Variants in ERCC6 observed in about 807,000 individuals in gnomAD.
ERCC6 encodes the protein ERCC excision repair 6, chromatin remodeling factor, also known as DNA excision repair protein ERCC-6.
A neutral mutation model predicts 158.7 loss-of-function variants in ERCC6; 116 were observed. The ratio of observed to expected loss-of-function variants is 0.73; its 90% CI spans 0.63 to 0.85. The LOEUF (loss-of-function observed/expected upper bound fraction) is 0.85. ERCC6 is among the 40% of genes least tolerant of loss of function. The pLI is 0.00. For missense variants in ERCC6, 1,698 were observed against 1,799.4 expected, an observed-to-expected ratio of 0.94 and a Z score of 1.02; for synonymous variants, 678 against 659.3, an observed-to-expected ratio of 1.03 and a Z score of -0.43.
intron 5 of ERCC6, among the ~76,000 whole-genome samples, chr10:49,513,398 G>A (rs1474726468): frequency 2.0e-5 from 3 of 152,110 alleles, no homozygotes; most frequent in Non-Finnish European, 4.4e-5. Flanking sequence ...AGTGATACTG[G>A]GTACTGGGCA....
downstream of ERCC6, among the ~76,000 whole-genome samples, chr10:49,449,840 G>A (rs541049861): frequency 1.1e-4 from 17 of 151,286 alleles, no homozygotes; most frequent in East Asian, 3.9e-4. Context: ...GTGAGCCACC[G>A]CGCCTGGCCT....
intron 4 of ERCC6, among the ~76,000 whole-genome samples, chr10:49,525,887 G>A (rs909763415): frequency 6.6e-5 from 10 of 151,330 alleles, no homozygotes; most frequent in African/African-American, 1.7e-4. Context: ...GTCTCTGAAC[G>A]CTACGTAAGT....
intron 1 of ERCC6, among the ~76,000 whole-genome samples, chr10:49,534,148 A>C (rs1491002778): frequency 1.9e-4 from 28 of 147,672 alleles, no homozygotes; most frequent in East Asian, 9.7e-4. Context: ...AAAAAAAAAA[A>C]AAAAAACAAA....
In ERCC6 at chr10:49,478,408, C is replaced by T. The variant is rs1225533124; in HGVS notation, c.2232G>A (p.Arg744=). The part of the protein sequence containing the change: ...LRDTINPYLL[R]RMKSDVKMSL... ...TCATCTTGACATCTGACTTCATTCTCCGCAGTAGGTATGGATTTATGGTAT... is the reference window on the plus strand; with the variant it reads ...TCATCTTGACATCTGACTTCATTCTTCGCAGTAGGTATGGATTTATGGTAT... Residue 744 remains arginine (R), a synonymous_variant, in exon 11 of 21, where the codon CGG becomes CGA. Transcript: ENST00000355832. 1.2e-6 allele frequency: 2 copies of T among 1,613,924 alleles called. No individual in the cohort carries two copies. Among genetic ancestry groups the T allele is most frequent in the Non-Finnish European group, 1.7e-6 (2 of 1,179,970 alleles).
downstream of ERCC6, among the ~76,000 whole-genome samples, chr10:49,454,125 G>C (rs1298537387): frequency 7.9e-6 from 1 of 127,372 alleles, no homozygotes; most frequent in Admixed American, 8.2e-5. Flanking sequence ...CTGAGGTTTT[G>C]CTCATTTTTC....
Position 49,457,927 on chromosome 10 carries a change from G to A in ERCC6, c.*888C>T, listed in dbSNP as rs938455358. The A allele has an allele frequency of 5.3e-5, 8 of 152,312 alleles. No homozygotes were observed. The highest frequency in any genetic ancestry group is 1.2e-4 in the Non-Finnish European group (8 of 68,080). The allele number at this position is 152,312 out of a possible 1,614,324, so 9.4% of individuals were successfully genotyped here. A position where few individuals can be genotyped will look rare whatever the true frequency, so the allele number is the denominator to read the frequency against. On this transcript the variant is annotated 3_prime_UTR_variant, in exon 21 of 21. Coordinates refer to ENST00000355832, the MANE Select transcript of ERCC6 (RefSeq NM_000124.4). Reference sequence around the variant, plus strand: ...AATGCAAAGGCAGGCGCAAGACGAAGGCAACTGGAGAGAAGACAGCCTGCC... The same window carrying A: ...AATGCAAAGGCAGGCGCAAGACGAAAGCAACTGGAGAGAAGACAGCCTGCC...
chr10:49,461,160 G>A (rs1850574970), intron 19 of ERCC6, among the ~76,000 whole-genome samples, 192 bp downstream of exon 19: 1 of 152,188 alleles, frequency 6.6e-6, no homozygotes, highest in Non-Finnish European at 1.5e-5. Flanking sequence ...GAAAACAGGG[G>A]ATGAAAGCAA....
chr10:49,470,435 T>C lies in ERCC6; in HGVS notation c.3525A>G (p.Glu1175=). The change falls in exon 18 of 21, where the codon GAA becomes GAG. Residue 1175 remains glutamate, a synonymous_variant. Coordinates refer to ENST00000355832, the MANE Select transcript of ERCC6 (RefSeq NM_000124.4). ...TEAFWENKQM[E]NNFYKHKSKT... ...TTGACTTGTGCTTATAAAAATTATT[T>C]TCCATTTGTTTATTCTCCCAAAAAG... The C allele has an allele frequency of 1.9e-6, 3 of 1,614,122 alleles. No homozygotes were observed. Among genetic ancestry groups the C allele is most frequent in the Non-Finnish European group, 2.5e-6 (3 of 1,180,020 alleles).
intron 7 of ERCC6, among the ~76,000 whole-genome samples, chr10:49,497,077 C>A (rs1321445271): frequency 6.6e-6 from 1 of 152,170 alleles, no homozygotes; most frequent in East Asian, 1.9e-4. Flanking sequence ...GTGGAAAGGG[C>A]CAGACTACAA....
In ERCC6 at chr10:49,470,485, T is replaced by C. The variant is rs1169862433; in HGVS notation, c.3475A>G (p.Arg1159Gly). 6.2e-7 allele frequency: 1 copy of C among 1,614,196 alleles called. No homozygotes were observed. ...GCTTCTGTTTGAGCCTGGCTGGGTC[T>C]TTCTCTTTTGTAAGAAAGACCTAAC... ...EKLGLSYKRE[R>G]PSQAQTEAFW... Residue 1159 changes from arginine to glycine, a missense_variant, in exon 18 of 21, where the codon AGA becomes GGA. Transcript: ENST00000355832.
Position 49,476,250 on chromosome 10 carries a change from T to C in ERCC6, c.2347A>G (p.Lys783Glu), listed in dbSNP as rs1464061215. The change falls in exon 12 of 21, where the codon AAA (lysine) becomes GAA (glutamate). Residue 783 changes from lysine (K) to glutamate (E), a missense_variant. Physicochemically the swap from Lys to Glu is moderately conservative, Grantham distance 56. Transcript: ENST00000355832. ...HKVYQNFVDSKEVYRILNGEM... is the reference protein window; with the variant it reads ...HKVYQNFVDSEEVYRILNGEM... ...CCATTGAGAATCCTGTAAACTTCTT[T>C]GGAATCAACGAAATTTTGGTAGACT... The C allele has an allele frequency of 1.2e-6, 2 of 1,613,950 alleles. No individual in the cohort carries two copies. The highest frequency in any genetic ancestry group is 2.2e-5 in the East Asian group (1 of 44,858).
the ERCC6 span, among the ~76,000 whole-genome samples, chr10:49,448,313 TG>T: frequency 6.6e-6 from 1 of 152,248 alleles, no homozygotes; most frequent in Non-Finnish European, 1.5e-5. Flanking sequence ...TCTTTTCATG[TG>T]CTTTTTGGCC....
At chr10:49,506,074 A>T in intron 5 of ERCC6, 62 bp from the exon 6 acceptor site, 1 of 1,595,172 alleles carries the variant, frequency 6.3e-7, no homozygotes, top group South Asian at 1.1e-5. Context: ...TTAAAAAGAT[A>T]GCTCCTGATA....
At chr10:49,490,870 G>C (rs1392850136) in intron 8 of ERCC6, among the ~76,000 whole-genome samples, 1 of 152,204 alleles carries the variant, frequency 6.6e-6, no homozygotes, top group African/African-American at 2.4e-5. Context: ...GGTGGGCACA[G>C]AAAGCTCATC....
At chr10:49,471,239 C>T (rs968870843) in intron 16 of ERCC6, 119 bp from the exon 17 acceptor site, 1 of 976,868 alleles carries the variant, frequency 1.0e-6, no homozygotes, top group Non-Finnish European at 1.6e-6. Context: ...CTAAATAATC[C>T]CCCAAACTTT....
intron 8 of ERCC6, among the ~76,000 whole-genome samples, chr10:49,483,918 T>A (rs902165070): frequency 2.0e-5 from 3 of 151,732 alleles, no homozygotes; most frequent in Admixed American, 6.6e-5. Context: ...AAATCTAGGA[T>A]CTCTAACAAT....
At chr10:49,528,654 T>G in intron 3 of ERCC6, 129 bp from the exon 4 acceptor site, 1 of 1,187,416 alleles carries the variant, frequency 8.4e-7, no homozygotes, top group Admixed American at 2.2e-5. Flanking sequence ...TACATAAAAA[T>G]TCCATACATT....
intron 3 of ERCC6, among the ~76,000 whole-genome samples, chr10:49,529,203 G>A (rs1837411886): frequency 1.3e-5 from 2 of 152,176 alleles, no homozygotes. Flanking sequence ...TCTTTCCAAG[G>A]TCAAGAATGT....
At chr10:49,489,778 C>T (rs1780489763) in intron 8 of ERCC6, among the ~76,000 whole-genome samples, 1 of 152,114 alleles carries the variant, frequency 6.6e-6, no homozygotes, top group Non-Finnish European at 1.5e-5. Context: ...CTTTACAAGA[C>T]AGTGCTAAAG....
Sources: gnomAD v4.1 joint callset for allele counts (sites outside exome capture counted in the v4.1 genomes callset) on GRCh38, gnomAD v4.1.1 for gene constraint, MANE v1.5 for transcripts, NCBI Gene and HGNC (gene_info 2026-07-23, HGNC 2026-07-21) for gene names.